Variants in SAMD13 observed in about 807,000 individuals in gnomAD.
SAMD13 encodes sterile alpha motif domain containing 13, also known as sterile alpha motif domain-containing protein 13.
In SAMD13, 9 loss-of-function variants were observed where a neutral mutation model predicts 12.4. That is an observed-to-expected ratio of 0.72 (90% CI 0.44 to 1.26). The LOEUF (loss-of-function observed/expected upper bound fraction) is 1.26. Ranked by LOEUF, SAMD13 falls within the 50% of genes most tolerant of loss-of-function variation. The pLI, the probability that SAMD13 is intolerant of heterozygous loss-of-function variation, is 0.00. For synonymous variants in SAMD13, 46 were observed against 45.4 expected (o/e 1.01, Z -0.05); for missense variants, 84 against 119.6 (o/e 0.70, Z 1.39).
chr1:84,323,132 TA>T (rs996435232), intron 2 of SAMD13, among the ~76,000 whole-genome samples: 11 of 152,132 alleles, frequency 7.2e-5, no homozygotes, highest in Non-Finnish European at 1.3e-4. Context: ...AGAAGTGAGC[TA>T]ATTAGAAAAC....
intron 3 of SAMD13, among the ~76,000 whole-genome samples, chr1:84,331,788 G>A (rs191399886): frequency 2.0e-5 from 3 of 152,066 alleles, no homozygotes; most frequent in Admixed American, 2.0e-4. Context: ...TTGTTATATA[G>A]GTAAATTGTG....
chr1:84,307,208 T>C (rs558608324), intron 2 of SAMD13, among the ~76,000 whole-genome samples: 4 of 152,344 alleles, frequency 2.6e-5, no homozygotes, highest in South Asian at 2.1e-4. Context: ...CCATAATTCA[T>C]TGATGATTGG....
chr1:84,341,578 C>A (rs1256960693), intron 3 of SAMD13, among the ~76,000 whole-genome samples: 5 of 151,978 alleles, frequency 3.3e-5, no homozygotes, highest in African/African-American at 9.7e-5. Flanking sequence ...ATGGACACTG[C>A]AAAAAGCTAA....
At chr1:84,325,350 G>A (rs1307518261) in intron 2 of SAMD13, among the ~76,000 whole-genome samples, 1 of 152,138 alleles carries the variant, frequency 6.6e-6, no homozygotes, top group Non-Finnish European at 1.5e-5. Context: ...GCGGTATGTT[G>A]AGGTCATATC....
chr1:84,300,115 A>G (rs146791198), upstream of SAMD13, among the ~76,000 whole-genome samples: 837 of 152,300 alleles, frequency 5.5e-3, 3 homozygotes, highest in Non-Finnish European at 8.7e-3. Flanking sequence ...TACTGGGAGA[A>G]TAGTTCAGGA....
chr1:84,316,637 T>C (rs1678839710), intron 2 of SAMD13, among the ~76,000 whole-genome samples: 2 of 152,174 alleles, frequency 1.3e-5, no homozygotes, highest in South Asian at 4.1e-4. Context: ...TAATATATTT[T>C]GAAATCAGGA....
intron 1 of SAMD13, chr1:84,302,541 TACACAC>T (rs58540263): frequency 0.15 from 29,896 of 204,800 alleles, 1,996 homozygotes; most frequent in Admixed American, 0.18. Flanking sequence ...TTCTTACACA[TACACAC>T]ACACACACAC....
intron 3 of SAMD13, among the ~76,000 whole-genome samples, chr1:84,343,472 A>G (rs751150085): frequency 3.3e-5 from 5 of 152,246 alleles, no homozygotes; most frequent in Non-Finnish European, 7.3e-5. Flanking sequence ...CATCAATGAT[A>G]GACTGGATAA....
rs368221770 is a variant in SAMD13, at chr1:84,315,489, C to G, written c.54-10148C>G. On this transcript the variant is annotated intron_variant, in intron 2 of 3. Coordinates refer to ENST00000394834, the MANE Select transcript of SAMD13 (RefSeq NM_001134663.2). ...GCATGTCTTTTTTGCGGTGGGTCTCCCTATGTTGCCTAGGCTGGTCTCAAA... is the reference window on the plus strand; with the variant it reads ...GCATGTCTTTTTTGCGGTGGGTCTCGCTATGTTGCCTAGGCTGGTCTCAAA... 2.1e-4 allele frequency among the ~76,000 whole-genome samples: 32 copies of G among 152,168 alleles called. No individual in the cohort carries two copies. In the South Asian group the frequency reaches 6.2e-3, roughly 30 times the overall value.
rs752335570 is a variant in SAMD13 at position 84,303,300 on chromosome 1, G to A, written c.53+13G>A. 4 of 1,605,532 alleles carry A rather than the reference G, an allele frequency of 2.5e-6. No individual in the cohort carries two copies. The highest frequency in any genetic ancestry group is 1.1e-5 in the South Asian group (1 of 90,846). On this transcript the variant is annotated intron_variant, in intron 2 of 3. Transcript: ENST00000394834. The stretch of plus-strand genomic sequence containing the variant: ...TCGGTGTAAAAAAGTAAGTGAAGCT[G>A]GCTTCTGAGTTCTGCTTCTGCAAAC...
chr1:84,328,140 G>T (rs1446452348), intron 3 of SAMD13, among the ~76,000 whole-genome samples: 1 of 152,154 alleles, frequency 6.6e-6, no homozygotes, highest in African/African-American at 2.4e-5. Flanking sequence ...CCAGACTGGG[G>T]GCACACGATG....
At chr1:84,331,512 G>A (rs74095551) in intron 3 of SAMD13, among the ~76,000 whole-genome samples, 4,152 of 152,058 alleles carry the variant, frequency 0.027, 199 homozygotes, top group African/African-American at 0.095. Context: ...AAATATTTGA[G>A]GTGCTTTGAT....
chr1:84,340,416 G>A (rs1281926299), intron 3 of SAMD13, among the ~76,000 whole-genome samples: 1 of 152,174 alleles, frequency 6.6e-6, no homozygotes, highest in African/African-American at 2.4e-5. Flanking sequence ...AGGTTTGGGG[G>A]AGTAGGGAGT....
At chr1:84,312,190 GC>G (rs1407066345) in intron 2 of SAMD13, among the ~76,000 whole-genome samples, 19 of 151,976 alleles carry the variant, frequency 1.3e-4, no homozygotes, top group Non-Finnish European at 2.4e-4. Context: ...TTATAGCTAA[GC>G]AAAATTATAA....
chr1:84,326,926 G>A (rs1679073229), intron 3 of SAMD13, among the ~76,000 whole-genome samples: 1 of 152,088 alleles, frequency 6.6e-6, no homozygotes, highest in African/African-American at 2.4e-5. Flanking sequence ...TAAAATAGCA[G>A]CTTAAATTTC....
chr1:84,300,892 T>C (rs1050045253), upstream of SAMD13, among the ~76,000 whole-genome samples: 16 of 152,332 alleles, frequency 1.1e-4, no homozygotes, highest in African/African-American at 3.8e-4. Flanking sequence ...TATTCATATG[T>C]AACTAATATA....
intron 2 of SAMD13, among the ~76,000 whole-genome samples, chr1:84,319,269 G>A (rs1210216187): frequency 2.0e-5 from 3 of 152,132 alleles, no homozygotes; most frequent in Non-Finnish European, 4.4e-5. Context: ...AAATGTTTAT[G>A]TTTGTGTTTG....
At chr1:84,306,854 T>TAATAATAAA (rs1553199915) in intron 2 of SAMD13, among the ~76,000 whole-genome samples, 16 of 141,920 alleles carry the variant, frequency 1.1e-4, no homozygotes, top group Non-Finnish European at 2.3e-4. Context: ...ATAATAATAA[T>TAATAATAAA]AAAATAAAAT....
intron 3 of SAMD13, among the ~76,000 whole-genome samples, chr1:84,339,721 C>G (rs1679383578): frequency 6.6e-6 from 1 of 152,166 alleles, no homozygotes; most frequent in Non-Finnish European, 1.5e-5. Flanking sequence ...GAGGAACTTT[C>G]TCTCCAAGTT....
Sources: gnomAD v4.1 joint callset for allele counts (sites outside exome capture counted in the v4.1 genomes callset) on GRCh38, gnomAD v4.1.1 for gene constraint, MANE v1.5 for transcripts, NCBI Gene and HGNC (gene_info 2026-07-23, HGNC 2026-07-21) for gene names.